Variants in PDZRN4 observed in about 807,000 individuals in gnomAD.
The protein encoded by PDZRN4 is PDZ domain containing ring finger 4.
In PDZRN4, 70 loss-of-function variants were observed where a neutral mutation model predicts 99.0. The ratio of observed to expected loss-of-function variants is 0.71; its 90% confidence interval spans 0.58 to 0.86. The LOEUF (loss-of-function observed/expected upper bound fraction) is 0.86, where lower values mean the gene tolerates loss of function less well. Among genes scored for constraint, PDZRN4 ranks in the 40% least tolerant of loss-of-function variants. The probability of loss-of-function intolerance (pLI) is 0.00; values close to 1 mark genes in which losing one functional copy is unlikely to be tolerated. For missense variants in PDZRN4, 1,474 were observed against 1,331.2 expected (o/e 1.11, Z -1.67); for synonymous variants, 551 against 501.6 (o/e 1.10, Z -1.32).
chr12:41,432,058 A>G (rs1363827026), intron 3 of PDZRN4, among the ~76,000 whole-genome samples: 5 of 152,248 alleles, frequency 3.3e-5, no homozygotes, highest in Non-Finnish European at 7.3e-5. Flanking sequence ...GATGATATAC[A>G]ACTACAAAAA....
At chr12:41,269,045 G>A (rs1951297257) in intron 3 of PDZRN4, among the ~76,000 whole-genome samples, 1 of 152,098 alleles carries the variant, frequency 6.6e-6, no homozygotes, top group Non-Finnish European at 1.5e-5. Context: ...AGCAAACAAG[G>A]ATATTTAGGT....
chr12:41,508,997 C>CT (rs1565601951), intron 4 of PDZRN4, among the ~76,000 whole-genome samples: 1 of 152,080 alleles, frequency 6.6e-6, no homozygotes, highest in African/African-American at 2.4e-5. Flanking sequence ...TTAAACTATG[C>CT]TTAGTCTTCA....
intron 3 of PDZRN4, among the ~76,000 whole-genome samples, chr12:41,433,229 C>T (rs944016907): frequency 2.6e-5 from 4 of 152,088 alleles, no homozygotes. Context: ...TGCTTTCCTC[C>T]ATTTCCTCAA....
At chr12:41,533,054 T>C (rs1938687114) in intron 5 of PDZRN4, among the ~76,000 whole-genome samples, 1 of 152,216 alleles carries the variant, frequency 6.6e-6, no homozygotes, top group South Asian at 2.1e-4. Flanking sequence ...ACCATTATGT[T>C]AATAGATTTG....
chr12:41,553,158 C>T lies in PDZRN4; in HGVS notation c.1302+404C>T, dbSNP rs1190463314. Among the ~76,000 whole-genome samples, 3 of 152,188 alleles carry T rather than the reference C, an allele frequency of 2.0e-5. No individual in the cohort carries two copies. In the East Asian group the frequency reaches 5.8e-4, roughly 29 times the overall value. ...GTTTTAAATTACTACTCACAATAAT[C>T]ACATCTTTTACTCTGCTGATGGCAT... is the stretch of plus-strand genomic sequence containing the variant. On this transcript the variant is annotated intron_variant, in intron 6 of 9. Transcript: ENST00000402685.
chr12:41,517,144 T>G (rs1938414769), intron 5 of PDZRN4, among the ~76,000 whole-genome samples: 1 of 152,072 alleles, frequency 6.6e-6, no homozygotes, highest in South Asian at 2.1e-4. Flanking sequence ...GTCTTTTGCC[T>G]CACTGATTGT....
intron 3 of PDZRN4, among the ~76,000 whole-genome samples, chr12:41,212,123 T>G (rs569164151): frequency 6.6e-6 from 1 of 152,106 alleles, no homozygotes; most frequent in Admixed American, 6.6e-5. Flanking sequence ...CTTATACCAG[T>G]ACATGTTCCA....
At chr12:41,534,207 T>C (rs898462951) in intron 5 of PDZRN4, among the ~76,000 whole-genome samples, 2 of 152,196 alleles carry the variant, frequency 1.3e-5, no homozygotes, top group African/African-American at 4.8e-5. Context: ...TGGTTAGATT[T>C]TCTTTGCTTT....
At chr12:41,490,882 A>G (rs747575171) in intron 3 of PDZRN4, among the ~76,000 whole-genome samples, 6 of 152,104 alleles carry the variant, frequency 3.9e-5, no homozygotes, top group Non-Finnish European at 8.8e-5. Context: ...TTCAAAGTCC[A>G]TCTTCTCAGC....
chr12:41,456,778 A>G (rs1034029612), intron 3 of PDZRN4, among the ~76,000 whole-genome samples: 8 of 152,238 alleles, frequency 5.3e-5, no homozygotes, highest in African/African-American at 1.4e-4. Flanking sequence ...TAAAGGAAAG[A>G]ACGAGAAAGT....
At chr12:41,440,086 G>C (rs1952665696) in intron 3 of PDZRN4, among the ~76,000 whole-genome samples, 1 of 152,134 alleles carries the variant, frequency 6.6e-6, no homozygotes, top group Non-Finnish European at 1.5e-5. Flanking sequence ...AGGGCACATA[G>C]CTTCCCCCAT....
At chr12:41,547,327 C>T (rs1938972093) in intron 5 of PDZRN4, among the ~76,000 whole-genome samples, 1 of 152,122 alleles carries the variant, frequency 6.6e-6, no homozygotes, top group African/African-American at 2.4e-5. Flanking sequence ...AGTAATGACA[C>T]AAAATTTATG....
chr12:41,215,851 G>GT (rs11417657), intron 3 of PDZRN4, among the ~76,000 whole-genome samples: 102,334 of 148,768 alleles, frequency 0.69, 35,239 homozygotes, highest in South Asian at 0.75. Flanking sequence ...AGCCTCCATA[G>GT]TTTTTTTTTT....
intron 3 of PDZRN4, among the ~76,000 whole-genome samples, chr12:41,244,872 GAC>G: frequency 5.5e-5 from 2 of 36,652 alleles, no homozygotes; most frequent in African/African-American, 1.4e-4. Context: ...TTTTAGTAGA[GAC>G]GAAGACGGGG....
At chr12:41,300,890 C>G (rs1426507567) in intron 3 of PDZRN4, among the ~76,000 whole-genome samples, 1 of 151,986 alleles carries the variant, frequency 6.6e-6, no homozygotes, top group Non-Finnish European at 1.5e-5. Context: ...ACAGTGGACT[C>G]AAGAGATCAA....
chr12:41,469,714 G>T (rs1246721264), intron 3 of PDZRN4, among the ~76,000 whole-genome samples: 2 of 152,038 alleles, frequency 1.3e-5, no homozygotes, highest in Non-Finnish European at 2.9e-5. Flanking sequence ...GGCCGATCAC[G>T]AGGTCAGGAG....
Position 41,188,893 on chromosome 12 carries a change from C to G in PDZRN4, c.438C>G (p.Arg146=), listed in dbSNP as rs1207929000. The G allele has an allele frequency of 9.2e-6, 10 of 1,092,630 alleles. No homozygotes were observed. The highest frequency in any genetic ancestry group is 4.3e-5 in the South Asian group (1 of 23,166). The allele number at this position is 1,092,630 out of a possible 1,614,324, so 67.7% of individuals were successfully genotyped here. The change falls in exon 1 of 10, where the codon CGC becomes CGG. Residue 146 remains arginine (R), a synonymous_variant. Transcript: ENST00000402685. The stretch of plus-strand genomic sequence containing the variant: ...GGGCTGGCCGGGGCGGGGGCGCGCG[C>G]GGGGGGCCGCCGGGCGGCCGCTGGG... ...TPRAGRGGGA[R]GGPPGGRWGR... is the part of the protein sequence containing the mutation.
At chr12:41,304,044 G>A (rs1951553778) in intron 3 of PDZRN4, among the ~76,000 whole-genome samples, 1 of 152,172 alleles carries the variant, frequency 6.6e-6, no homozygotes, top group African/African-American at 2.4e-5. Flanking sequence ...CTTTCCCTGA[G>A]GAGGTCAGAA....
chr12:41,383,744 T>C (rs1237244720), intron 3 of PDZRN4, among the ~76,000 whole-genome samples: 2 of 152,210 alleles, frequency 1.3e-5, no homozygotes, highest in African/African-American at 2.4e-5. Flanking sequence ...GAGATATTTG[T>C]AGCTGATTTA....
Sources: gnomAD v4.1 joint callset for allele counts (sites outside exome capture counted in the v4.1 genomes callset) on GRCh38, gnomAD v4.1.1 for gene constraint, MANE v1.5 for transcripts, NCBI Gene and HGNC (gene_info 2026-07-23, HGNC 2026-07-21) for gene names.